Variants in KALRN observed in about 807,000 individuals in gnomAD.
KALRN encodes the protein kalirin.
A neutral mutation model predicts 353.7 loss-of-function variants in KALRN; 70 were observed. The ratio of observed to expected loss-of-function variants is 0.20; its 90% CI spans 0.16 to 0.24. KALRN has a LOEUF of 0.24. Among genes scored for constraint, KALRN ranks in the 10% least tolerant of loss-of-function variants. KALRN has a pLI of 1.00. For synonymous variants in KALRN, 1,391 were observed against 1,434.8 expected, an observed-to-expected ratio of 0.97 and a Z score of 0.69; for missense variants, 2,791 against 3,756.7, an observed-to-expected ratio of 0.74 and a Z score of 6.72.
intron 21 of KALRN, among the ~76,000 whole-genome samples, chr3:124,452,388 A>G (rs1300709701): frequency 6.6e-6 from 1 of 152,256 alleles, no homozygotes; most frequent in Non-Finnish European, 1.5e-5. Context: ...ACAAATGAAT[A>G]AGATATAATA....
intron 10 of KALRN, among the ~76,000 whole-genome samples, chr3:124,355,893 T>G (rs2083348736): frequency 6.6e-6 from 1 of 152,008 alleles, no homozygotes; most frequent in South Asian, 2.1e-4. Context: ...TTTTATATTT[T>G]CAGTAGAGAT....
chr3:124,215,080 AC>A (rs2077203960), intron 1 of KALRN, among the ~76,000 whole-genome samples: 1 of 152,184 alleles, frequency 6.6e-6, no homozygotes, highest in African/African-American at 2.4e-5. Context: ...AAAAGAAGGA[AC>A]AAGGCCTGCC....
At chr3:124,544,792 C>T (rs777531683) in intron 33 of KALRN, among the ~76,000 whole-genome samples, 11 of 152,152 alleles carry the variant, frequency 7.2e-5, no homozygotes, top group Non-Finnish European at 1.3e-4. Flanking sequence ...ACATAATAAG[C>T]ACTTTGTAAG....
At chr3:124,498,419 C>T (rs992445099) in intron 33 of KALRN, among the ~76,000 whole-genome samples, 1 of 152,062 alleles carries the variant, frequency 6.6e-6, no homozygotes, top group African/African-American at 2.4e-5. Flanking sequence ...GTTTCATTGC[C>T]GTACTCCTGA....
chr3:124,111,429 A>T (rs991741884), intron 1 of KALRN, among the ~76,000 whole-genome samples: 1 of 152,198 alleles, frequency 6.6e-6, no homozygotes, highest in Non-Finnish European at 1.5e-5. Flanking sequence ...GATTGGTGTA[A>T]TGTAGTCAGC....
At chr3:124,126,490 G>T (rs969561114) in intron 1 of KALRN, among the ~76,000 whole-genome samples, 2 of 152,058 alleles carry the variant, frequency 1.3e-5, no homozygotes, top group Admixed American at 6.6e-5. Context: ...GTGGTCTCAG[G>T]ACATCCCCTG....
At chr3:124,344,165 T>C (rs2082042785) in intron 9 of KALRN, among the ~76,000 whole-genome samples, 1 of 152,244 alleles carries the variant, frequency 6.6e-6, no homozygotes. Flanking sequence ...TGATGGGTGC[T>C]TGTACTTAGG....
chr3:124,291,143 A>G (rs894226988), intron 5 of KALRN, among the ~76,000 whole-genome samples: 2 of 152,194 alleles, frequency 1.3e-5, no homozygotes, highest in Non-Finnish European at 2.9e-5. Context: ...AGGTGCAAGG[A>G]GGTAAGATCT....
intron 10 of KALRN, among the ~76,000 whole-genome samples, chr3:124,382,361 G>T (rs1028866085): frequency 2.0e-5 from 3 of 152,024 alleles, no homozygotes; most frequent in Admixed American, 1.3e-4. Flanking sequence ...CTTATGTATT[G>T]TCATGTTATT....
intron 1 of KALRN, among the ~76,000 whole-genome samples, chr3:124,103,800 C>CA (rs993677004): frequency 6.6e-6 from 1 of 152,018 alleles, no homozygotes; most frequent in Admixed American, 6.6e-5. Flanking sequence ...TACTAAAATA[C>CA]AAAAAATTAG....
chr3:124,219,579 A>AT (rs955234542), intron 1 of KALRN, among the ~76,000 whole-genome samples: 6 of 151,818 alleles, frequency 4.0e-5, no homozygotes, highest in African/African-American at 1.2e-4. Context: ...AAAGAAGAAC[A>AT]TTTTTTTCCC....
chr3:124,352,399 T>G (rs939672874), intron 10 of KALRN, among the ~76,000 whole-genome samples: 11 of 152,184 alleles, frequency 7.2e-5, no homozygotes, highest in Non-Finnish European at 1.3e-4. Flanking sequence ...GTGTTCTGCT[T>G]TATGGCCTCA....
rs73860940 is a variant in KALRN, at chr3:124,267,915, G to A, written c.457-828G>A. 5.7e-3 allele frequency among the ~76,000 whole-genome samples: 865 copies of A among 152,306 alleles called. 14 individuals are homozygous for A. The highest frequency in any genetic ancestry group is 0.02 in the African/African-American group (840 of 41,562). On this transcript the variant is annotated intron_variant, in intron 4 of 59. Transcript: ENST00000682506. Reference sequence around the variant, plus strand: ...GAATAATTATCTCCATTACACAGAGGAGGAGACTGAGGCTCTGAGACCTTA... The same window carrying A: ...GAATAATTATCTCCATTACACAGAGAAGGAGACTGAGGCTCTGAGACCTTA...
chr3:124,061,944 T>G (rs1401415958), intron 1 of KALRN, among the ~76,000 whole-genome samples: 1 of 30,948 alleles, frequency 3.2e-5, no homozygotes, highest in Non-Finnish European at 1.4e-4. Context: ...GCAGTTATTT[T>G]ACTTTCTAAG....
At chr3:124,687,335 C>T (rs543540991) in intron 51 of KALRN, among the ~76,000 whole-genome samples, 109 of 152,292 alleles carry the variant, frequency 7.2e-4, no homozygotes, top group African/African-American at 2.4e-3. Flanking sequence ...CTCAGCCCCC[C>T]ACCTCCAGTC....
chr3:124,462,507 C>T lies in KALRN; in HGVS notation c.3922-17C>T, dbSNP rs1561020836. ...CCTGCCAGACTTGCCAGTGATGAAA[C>T]TGTTACTGTCTTACAGACCTACCTG... On this transcript the variant is annotated splice_polypyrimidine_tract_variant and intron_variant, in intron 24 of 59. Coordinates refer to ENST00000682506, the MANE Select transcript of KALRN (RefSeq NM_001388419.1). 1 of 1,456,652 alleles carries T rather than the reference C, an allele frequency of 6.9e-7. No homozygotes were observed. The allele number at this position is 1,456,652 out of a possible 1,614,324, so 90.2% of individuals were successfully genotyped here.
At chr3:124,072,890 C>G (rs1316419356) in intron 1 of KALRN, among the ~76,000 whole-genome samples, 1 of 152,242 alleles carries the variant, frequency 6.6e-6, no homozygotes, top group East Asian at 1.9e-4. Context: ...CATTCAGACT[C>G]TGGCTGCCCA....
At chr3:124,369,333 T>A (rs2085498683) in intron 10 of KALRN, among the ~76,000 whole-genome samples, 1 of 152,238 alleles carries the variant, frequency 6.6e-6, no homozygotes, top group Non-Finnish European at 1.5e-5. Flanking sequence ...GTCTTGTTTA[T>A]TGTAATAACA....
intron 33 of KALRN, among the ~76,000 whole-genome samples, chr3:124,532,348 T>C (rs1200428282): frequency 6.6e-6 from 1 of 152,252 alleles, no homozygotes; most frequent in Non-Finnish European, 1.5e-5. Flanking sequence ...AATTCCAATG[T>C]AAACCACATT....
Sources: allele counts gnomAD v4.1 joint callset (sites outside exome capture counted in the v4.1 genomes callset), GRCh38; gene constraint gnomAD v4.1.1; transcripts MANE v1.5; gene names NCBI Gene and HGNC (gene_info 2026-07-23, HGNC 2026-07-21).